GNAL: variants seen among roughly 807,000 people sequenced by gnomAD.
GNAL encodes the protein G protein subunit alpha L.
Under a neutral mutation model 55.1 loss-of-function variants are expected in GNAL, and 18 were observed. That is an observed-to-expected ratio of 0.33 (90% CI 0.23 to 0.48). The LOEUF is 0.48. Ranked by LOEUF, GNAL falls within the 20% of genes least tolerant of loss-of-function variation. The pLI, the probability that GNAL is intolerant of heterozygous loss-of-function variation, is 0.99. For synonymous variants in GNAL, 253 were observed against 237.0 expected (o/e 1.07, Z -0.62); for missense variants, 412 against 614.1 (o/e 0.67, Z 3.48).
At chr18:11,699,266 C>T (rs934267001) in intron 1 of GNAL, among the ~76,000 whole-genome samples, 3 of 152,134 alleles carry the variant, frequency 2.0e-5, no homozygotes, top group African/African-American at 7.2e-5. Flanking sequence ...ACCATCTTGG[C>T]TCACTGCAAC....
chr18:11,725,153 A>C (rs1005150419), intron 1 of GNAL, among the ~76,000 whole-genome samples: 15 of 152,268 alleles, frequency 9.9e-5, no homozygotes, highest in African/African-American at 3.6e-4. Context: ...CTCCCACAAA[A>C]TCATATATTG....
chr18:11,738,264 C>A (rs185927950), intron 1 of GNAL, among the ~76,000 whole-genome samples: 1 of 152,210 alleles, frequency 6.6e-6, no homozygotes, highest in Non-Finnish European at 1.5e-5. Context: ...CCTCCTCCAG[C>A]GTTTAGGCTC....
intron 2 of GNAL, 82 bp downstream of exon 2, chr18:11,753,007 A>G: frequency 1.4e-6 from 1 of 713,112 alleles, no homozygotes; most frequent in South Asian, 1.7e-5. Context: ...TCTCTAAACA[A>G]TTTTAATTTA....
At chr18:11,743,322 A>G (rs2143034049) in intron 1 of GNAL, among the ~76,000 whole-genome samples, 1 of 152,176 alleles carries the variant, frequency 6.6e-6, no homozygotes, top group South Asian at 2.1e-4. Flanking sequence ...TACAAAAAAA[A>G]AAAAAAAACC....
chr18:11,741,830 C>G (rs2032582397), intron 1 of GNAL, among the ~76,000 whole-genome samples: 1 of 152,218 alleles, frequency 6.6e-6, no homozygotes, highest in African/African-American at 2.4e-5. Context: ...GCTGAAAATT[C>G]TACATGTGCA....
intron 7 of GNAL, among the ~76,000 whole-genome samples, chr18:11,864,967 A>G (rs1598438233): frequency 6.6e-6 from 1 of 152,288 alleles, no homozygotes; most frequent in African/African-American, 2.4e-5. Context: ...GGGTTGCCCA[A>G]CTGCAAACTC....
intron 5 of GNAL, among the ~76,000 whole-genome samples, chr18:11,861,001 A>G (rs1227364745): frequency 6.6e-6 from 1 of 152,140 alleles, no homozygotes; most frequent in East Asian, 1.9e-4. Context: ...GCCCACACTG[A>G]GGTTCACAGG....
intron 5 of GNAL, among the ~76,000 whole-genome samples, chr18:11,841,510 GTGA>G (rs2035612940): frequency 6.6e-6 from 1 of 151,902 alleles, no homozygotes; most frequent in Non-Finnish European, 1.5e-5. Context: ...GTCGGGCATG[GTGA>G]CGCATGCTGT....
chr18:11,747,118 G>A (rs868786123), intron 1 of GNAL: 13 of 408,242 alleles, frequency 3.2e-5, no homozygotes, highest in Middle Eastern at 9.6e-4. Flanking sequence ...AGCGCAGATC[G>A]AACTGCCCAC....
chr18:11,809,015 T>C (rs868722628), intron 4 of GNAL, among the ~76,000 whole-genome samples: 25 of 152,182 alleles, frequency 1.6e-4, no homozygotes, highest in African/African-American at 6.0e-4. Context: ...CCCAGCACTT[T>C]GGGAGGCCAA....
chr18:11,704,127 G>A (rs1382197901), intron 1 of GNAL, among the ~76,000 whole-genome samples: 1 of 152,166 alleles, frequency 6.6e-6, no homozygotes, highest in African/African-American at 2.4e-5. Context: ...AGCAGCATTG[G>A]TGTTCTTCCG....
At chr18:11,737,813 C>A (rs903254630) in intron 1 of GNAL, among the ~76,000 whole-genome samples, 1 of 152,204 alleles carries the variant, frequency 6.6e-6, no homozygotes, top group Non-Finnish European at 1.5e-5. Flanking sequence ...AACAAACAAT[C>A]CCCTCAAAAC....
At chr18:11,796,575 C>CAAAA (rs760136358) in intron 4 of GNAL, among the ~76,000 whole-genome samples, 895 of 58,612 alleles carry the variant, frequency 0.015, 82 homozygotes, top group African/African-American at 0.039. Context: ...CTCCTTCTCA[C>CAAAA]AAAAAAAAAA....
At chr18:11,811,519 C>T (rs1045328875) in intron 4 of GNAL, 4 of 152,192 alleles carry the variant, frequency 2.6e-5, no homozygotes, top group African/African-American at 9.7e-5. Flanking sequence ...GAGCTAAGAA[C>T]CCACCCACCC....
intron 1 of GNAL, among the ~76,000 whole-genome samples, chr18:11,706,745 G>A (rs140320636): frequency 5.5e-4 from 84 of 152,258 alleles, no homozygotes; most frequent in African/African-American, 2.0e-3. Context: ...TTCATAAGAA[G>A]CAACTCCTCA....
At chr18:11,880,162 C>T (rs942763537) in intron 11 of GNAL, among the ~76,000 whole-genome samples, 1 of 151,152 alleles carries the variant, frequency 6.6e-6, no homozygotes. Context: ...GAGGCTGAGG[C>T]AGGAGAATTG....
chr18:11,799,090 G>A (rs1395500797), intron 4 of GNAL, among the ~76,000 whole-genome samples: 1 of 151,248 alleles, frequency 6.6e-6, no homozygotes, highest in Non-Finnish European at 1.5e-5. Context: ...TCCAGCCTGG[G>A]CAACAGAGCG....
intron 5 of GNAL, among the ~76,000 whole-genome samples, chr18:11,851,015 G>T (rs2035844606): frequency 6.6e-6 from 1 of 152,202 alleles, no homozygotes. Context: ...GCGTTAGTGC[G>T]AAGACCTAGC....
At chr18:11,698,716 G>A (rs2031483702) in intron 1 of GNAL, among the ~76,000 whole-genome samples, 2 of 144,716 alleles carry the variant, frequency 1.4e-5, no homozygotes, top group Admixed American at 6.7e-5. Flanking sequence ...GATGAGACTG[G>A]AATGGTGGGT....
Sources: allele counts gnomAD v4.1 joint callset (sites outside exome capture counted in the v4.1 genomes callset), GRCh38; gene constraint gnomAD v4.1.1; transcripts MANE v1.5; gene names NCBI Gene and HGNC (gene_info 2026-07-23, HGNC 2026-07-21).